Variants in CIMAP1D observed in about 807,000 individuals in gnomAD.
CIMAP1D encodes CIMAP1 family member D.
At chr19:474,987 G>A in the CIMAP1D span, 4 of 403,846 alleles carry the variant, frequency 9.9e-6, no homozygotes, top group Admixed American at 1.3e-4. Context: ...ATCGAGTGTC[G>A]GCCAGGCGGC....
the CIMAP1D span, among the ~76,000 whole-genome samples, chr19:487,603 G>A: frequency 6.3e-4 from 96 of 152,286 alleles, no homozygotes; most frequent in African/African-American, 2.2e-3. Flanking sequence ...TCAGGAGGCG[G>A]AGGTTGCAGT....
chr19:464,055 G>C, the CIMAP1D span: 1 of 1,584,552 alleles, frequency 6.3e-7, no homozygotes, highest in Non-Finnish European at 8.6e-7. Flanking sequence ...GGTGAAGGCA[G>C]GCAGGCGCTG....
At chr19:467,728 G>A in the CIMAP1D span, 2 of 1,610,282 alleles carry the variant, frequency 1.2e-6, no homozygotes, top group African/African-American at 1.3e-5. Context: ...GGTCCAAGAA[G>A]TAGATGGGGC....
chr19:481,071 T>C, the CIMAP1D span, among the ~76,000 whole-genome samples: 3 of 121,460 alleles, frequency 2.5e-5, no homozygotes, highest in African/African-American at 3.2e-5. Context: ...GAAAGGATGA[T>C]GGGAAGGATG....
the CIMAP1D span, among the ~76,000 whole-genome samples, chr19:485,966 T>C: frequency 6.6e-6 from 1 of 152,196 alleles, no homozygotes; most frequent in African/African-American, 2.4e-5. Flanking sequence ...GCCCTGCTGC[T>C]GCCCGCCCCT....
At chr19:463,797 G>A in the CIMAP1D span, 3 of 1,482,370 alleles carry the variant, frequency 2.0e-6, no homozygotes, top group African/African-American at 4.1e-5. Flanking sequence ...CAGGCCCCAG[G>A]AGAGGCCCGC....
chr19:474,784 CCTGGTGCTACCTT>C, the CIMAP1D span: 2 of 1,418,976 alleles, frequency 1.4e-6, no homozygotes, highest in Non-Finnish European at 1.9e-6. Context: ...ACCCACGGGG[CCTGGTGCTACCTT>C]CTGAGCCGCA....
At chr19:488,288 T>C in the CIMAP1D span, among the ~76,000 whole-genome samples, 4 of 151,932 alleles carry the variant, frequency 2.6e-5, no homozygotes, top group African/African-American at 9.7e-5. Context: ...CTCGGGAGGC[T>C]GAGGCGGGCA....
At chr19:491,607 G>A in the CIMAP1D span, among the ~76,000 whole-genome samples, 1 of 151,212 alleles carries the variant, frequency 6.6e-6, no homozygotes, top group Non-Finnish European at 1.5e-5. Context: ...AGGCCTCGCC[G>A]CTTCCCCAGG....
chr19:474,270 C>T, the CIMAP1D span, among the ~76,000 whole-genome samples: 13 of 152,188 alleles, frequency 8.5e-5, no homozygotes, highest in Admixed American at 1.3e-4. Flanking sequence ...CCTCGCCCTG[C>T]CCCACGTTGT....
chr19:469,552 TG>T, the CIMAP1D span, among the ~76,000 whole-genome samples: 1 of 151,758 alleles, frequency 6.6e-6, no homozygotes, highest in African/African-American at 2.4e-5. Flanking sequence ...TAGCCGGGCG[TG>T]GTGGCGGGCG....
the CIMAP1D span, among the ~76,000 whole-genome samples, chr19:465,832 GTGGATGGATGTGTGGATAGA>G: frequency 7.4e-6 from 1 of 135,292 alleles, no homozygotes; most frequent in African/African-American, 2.7e-5. Flanking sequence ...TGGGTGGATG[GTGGATGGATGTGTGGATAGA>G]TGGATGGATG....
chr19:485,263 C>G, the CIMAP1D span, among the ~76,000 whole-genome samples: 2 of 152,326 alleles, frequency 1.3e-5, no homozygotes, highest in South Asian at 2.1e-4. Context: ...GAGGCACACA[C>G]AGGCAGGCGC....
At chr19:481,561 G>A in the CIMAP1D span, among the ~76,000 whole-genome samples, 3 of 140,244 alleles carry the variant, frequency 2.1e-5, no homozygotes, top group South Asian at 7.2e-4. Context: ...AAGGATGATG[G>A]GAAGGATGGT....
chr19:470,852 G>A, the CIMAP1D span, among the ~76,000 whole-genome samples: 627 of 152,354 alleles, frequency 4.1e-3, 1 homozygote, highest in African/African-American at 0.013. Flanking sequence ...GGTGCCGGGC[G>A]GGGTCCACGC....
At chr19:464,141 G>C in the CIMAP1D span, 205 of 484,692 alleles carry the variant, frequency 4.2e-4, no homozygotes, top group Middle Eastern at 1.0e-3. Flanking sequence ...GGGGGCGGGC[G>C]GGGGGGGTGC....
chr19:465,250 T>G, the CIMAP1D span, among the ~76,000 whole-genome samples: 9 of 104,588 alleles, frequency 8.6e-5, no homozygotes, highest in Non-Finnish European at 1.4e-4. Flanking sequence ...GAGGGGCGGG[T>G]GGATGGGTGG....
At chr19:463,979 T>C in the CIMAP1D span, 1 of 1,610,396 alleles carries the variant, frequency 6.2e-7, no homozygotes, top group South Asian at 1.1e-5. Context: ...TGACCTGCTC[T>C]GGGCAGTGGG....
At chr19:469,543 A>AGG in the CIMAP1D span, among the ~76,000 whole-genome samples, 1 of 152,034 alleles carries the variant, frequency 6.6e-6, no homozygotes, top group African/African-American at 2.4e-5. Flanking sequence ...TACAAAAATT[A>AGG]GCCGGGCGTG....
Sources: allele counts gnomAD v4.1 joint callset (sites outside exome capture counted in the v4.1 genomes callset), GRCh38; gene constraint gnomAD v4.1.1; transcripts MANE v1.5; gene names NCBI Gene and HGNC (gene_info 2026-07-23, HGNC 2026-07-21).